The following EXOC4 variants were observed in gnomAD, a reference collection of about 807,000 sequenced individuals.
EXOC4 encodes SEC8-like 1.
A neutral mutation model predicts 107.2 loss-of-function variants in EXOC4; 71 were observed. That is an observed-to-expected ratio of 0.66 (90% CI 0.55 to 0.81). The LOEUF is 0.81. EXOC4 is among the 30% of genes least tolerant of loss of function. The pLI is 0.00. For missense variants in EXOC4, 1,108 were observed against 1,189.6 expected (o/e 0.93, Z 1.01); for synonymous variants, 456 against 441.2 (o/e 1.03, Z -0.42).
At chr7:133,298,815 A>G (rs1794579327) in intron 3 of EXOC4, among the ~76,000 whole-genome samples, 2 of 152,328 alleles carry the variant, frequency 1.3e-5, no homozygotes, top group Non-Finnish European at 2.9e-5. Flanking sequence ...AAGAATTAAG[A>G]ATTATAACTG....
At chr7:133,848,447 C>T (rs1798178120) in intron 11 of EXOC4, among the ~76,000 whole-genome samples, 1 of 152,172 alleles carries the variant, frequency 6.6e-6, no homozygotes, top group Non-Finnish European at 1.5e-5. Context: ...CTTTCCCAGC[C>T]TCTGAATCTT....
At chr7:133,694,341 A>C (rs1794487117) in intron 10 of EXOC4, among the ~76,000 whole-genome samples, 1 of 152,106 alleles carries the variant, frequency 6.6e-6, no homozygotes, top group Non-Finnish European at 1.5e-5. Context: ...TGGGCCCTGA[A>C]ATCTGCATTT....
chr7:133,506,963 C>G (rs1457522304), intron 9 of EXOC4, among the ~76,000 whole-genome samples: 8 of 151,850 alleles, frequency 5.3e-5, no homozygotes, highest in African/African-American at 1.7e-4. Flanking sequence ...ATTCTAGATA[C>G]AAATGTGTTC....
intron 10 of EXOC4, among the ~76,000 whole-genome samples, chr7:133,651,164 TACTC>T (rs1424341355): frequency 6.6e-6 from 1 of 152,110 alleles, no homozygotes; most frequent in Non-Finnish European, 1.5e-5. Context: ...CGTCCCTTTC[TACTC>T]ACTCCCAGCA....
At chr7:133,263,668 G>A (rs1335600719) in intron 1 of EXOC4, among the ~76,000 whole-genome samples, 5 of 151,984 alleles carry the variant, frequency 3.3e-5, no homozygotes, top group Non-Finnish European at 5.9e-5. Flanking sequence ...ATGAGCCACC[G>A]TGCCTGGCCT....
intron 10 of EXOC4, among the ~76,000 whole-genome samples, chr7:133,695,089 T>C (rs2151081156): frequency 6.6e-6 from 1 of 152,316 alleles, no homozygotes; most frequent in South Asian, 2.1e-4. Context: ...CCCAAAGTGC[T>C]GGAGTTACAG....
At chr7:134,022,411 TC>T (rs898289785) in intron 17 of EXOC4, among the ~76,000 whole-genome samples, 1 of 152,190 alleles carries the variant, frequency 6.6e-6, no homozygotes, top group Non-Finnish European at 1.5e-5. Context: ...TTGCCAGTTT[TC>T]TAATGGGTCT....
intron 2 of EXOC4, among the ~76,000 whole-genome samples, chr7:133,288,276 T>C (rs1372446944): frequency 6.6e-6 from 1 of 152,224 alleles, no homozygotes; most frequent in African/African-American, 2.4e-5. Context: ...TATTTTGTCA[T>C]GTTTTGCCTA....
chr7:133,845,886 T>C (rs773181049), intron 11 of EXOC4, among the ~76,000 whole-genome samples: 1 of 152,198 alleles, frequency 6.6e-6, no homozygotes, highest in Non-Finnish European at 1.5e-5. Flanking sequence ...GAATGTTGTG[T>C]GTCTGGTTGA....
At chr7:133,923,712 T>C (rs1304662151) in intron 13 of EXOC4, among the ~76,000 whole-genome samples, 16 of 152,214 alleles carry the variant, frequency 1.1e-4, no homozygotes, top group Admixed American at 9.2e-4. Flanking sequence ...GGCCACCTTT[T>C]TTACTGTCTT....
intron 9 of EXOC4, among the ~76,000 whole-genome samples, chr7:133,538,089 A>T (rs1584984639): frequency 6.6e-6 from 1 of 152,292 alleles, no homozygotes; most frequent in East Asian, 1.9e-4. Flanking sequence ...GAGGTTGGAT[A>T]ACTTGCCCAA....
chr7:133,597,977 G>A (rs578194711), intron 9 of EXOC4, among the ~76,000 whole-genome samples: 13 of 151,208 alleles, frequency 8.6e-5, no homozygotes, highest in South Asian at 2.1e-4. Flanking sequence ...CCGAGATGGC[G>A]CCATTACTCC....
intron 11 of EXOC4, among the ~76,000 whole-genome samples, chr7:133,839,375 G>GT (rs1317971226): frequency 6.6e-6 from 1 of 152,188 alleles, no homozygotes; most frequent in African/African-American, 2.4e-5. Context: ...GATTTTAAAT[G>GT]TTTTTTAATA....
chr7:133,633,631 A>C (rs1802640231), intron 10 of EXOC4, among the ~76,000 whole-genome samples: 1 of 152,128 alleles, frequency 6.6e-6, no homozygotes, highest in Non-Finnish European at 1.5e-5. Context: ...AGGCAGGAGA[A>C]TCACTTGAAC....
At chr7:133,357,136 G>A (rs982152768) in intron 6 of EXOC4, among the ~76,000 whole-genome samples, 1 of 152,090 alleles carries the variant, frequency 6.6e-6, no homozygotes, top group Non-Finnish European at 1.5e-5. Flanking sequence ...AGAGATTGTC[G>A]ATATTTAAAC....
intron 11 of EXOC4, among the ~76,000 whole-genome samples, chr7:133,830,129 C>T (rs1296366471): frequency 6.6e-6 from 1 of 152,210 alleles, no homozygotes; most frequent in Non-Finnish European, 1.5e-5. Flanking sequence ...CTCTACCTCT[C>T]CTCACTGCAC....
intron 10 of EXOC4, among the ~76,000 whole-genome samples, chr7:133,735,198 T>C (rs2151121504): frequency 9.8e-6 from 1 of 102,156 alleles, no homozygotes. Flanking sequence ...CCAGCCTGGG[T>C]GACAGAGGAA....
At chr7:133,715,480 CTT>C (rs201216157) in intron 10 of EXOC4, among the ~76,000 whole-genome samples, 2 of 143,292 alleles carry the variant, frequency 1.4e-5, no homozygotes, top group South Asian at 2.2e-4. Context: ...TTTCTAATGA[CTT>C]TTTTTTTTTT....
intron 10 of EXOC4, among the ~76,000 whole-genome samples, chr7:133,676,450 C>T (rs568425728): frequency 6.6e-6 from 1 of 152,212 alleles, no homozygotes; most frequent in East Asian, 1.9e-4. Context: ...TCACATTAGC[C>T]TCAAGTCTAG....
Sources: gnomAD v4.1 joint callset for allele counts (sites outside exome capture counted in the v4.1 genomes callset) on GRCh38, gnomAD v4.1.1 for gene constraint, MANE v1.5 for transcripts, NCBI Gene and HGNC (gene_info 2026-07-23, HGNC 2026-07-21) for gene names.